The following PCDHGA3 variants were observed in gnomAD, a reference collection of about 807,000 sequenced individuals.
The protein encoded by PCDHGA3 is protocadherin gamma-A3.
PCDHGA3 carries 40 observed loss-of-function variants against 58.5 expected under a neutral mutation model. The observed-to-expected ratio is 0.68, with a 90% confidence interval of 0.53 to 0.89. PCDHGA3 has a LOEUF of 0.89. Among genes scored for constraint, PCDHGA3 ranks in the 40% least tolerant of loss-of-function variants. The pLI is 0.00. For missense variants in PCDHGA3, 1,223 were observed against 1,195.9 expected, an observed-to-expected ratio of 1.02 and a Z score of -0.33; for synonymous variants, 530 against 525.7, an observed-to-expected ratio of 1.01 and a Z score of -0.11.
chr5:141,370,142 C>T, intron 1 of PCDHGA3: 2 of 430,642 alleles, frequency 4.6e-6, no homozygotes, highest in Non-Finnish European at 8.1e-6. Flanking sequence ...GATTTAGTCA[C>T]CATTACTGCA....
intron 3 of PCDHGA3, among the ~76,000 whole-genome samples, chr5:141,508,646 G>A (rs1434098773): frequency 2.6e-5 from 4 of 152,014 alleles, no homozygotes; most frequent in African/African-American, 9.7e-5. Flanking sequence ...ACTCCGTCAG[G>A]CCCTTCCTGT....
intron 1 of PCDHGA3, among the ~76,000 whole-genome samples, chr5:141,425,078 G>A (rs1196415752): frequency 3.9e-5 from 6 of 152,112 alleles, no homozygotes; most frequent in Admixed American, 6.5e-5. Flanking sequence ...AATTTCAACT[G>A]TAGGAAAGGC....
At chr5:141,417,001 A>G (rs1590037654) in intron 1 of PCDHGA3, 1 of 150,924 alleles carries the variant, frequency 6.6e-6, no homozygotes, top group African/African-American at 2.5e-5. Context: ...TTCATCTCAA[A>G]TAATTCTATT....
intron 1 of PCDHGA3, among the ~76,000 whole-genome samples, chr5:141,387,169 T>C (rs1428422324): frequency 4.6e-5 from 7 of 152,140 alleles, no homozygotes; most frequent in East Asian, 1.9e-4. Flanking sequence ...TAAGTATAAA[T>C]TGCACCTTCT....
chr5:141,405,394 C>T, intron 1 of PCDHGA3: 4 of 1,593,132 alleles, frequency 2.5e-6, no homozygotes, highest in Non-Finnish European at 3.4e-6. Context: ...CATTTTTTTT[C>T]TTTCTTTCTT....
At chr5:141,480,584 G>A (rs1421730652) in intron 1 of PCDHGA3, among the ~76,000 whole-genome samples, 1 of 134,606 alleles carries the variant, frequency 7.4e-6, no homozygotes, top group Non-Finnish European at 1.6e-5. Context: ...AATAACTGCC[G>A]CTCTTCTGGT....
chr5:141,370,485 GA>G, intron 1 of PCDHGA3: 1 of 1,613,916 alleles, frequency 6.2e-7, no homozygotes, highest in South Asian at 1.1e-5. Flanking sequence ...GGCTCTCTCC[GA>G]ACCGATCCGC....
At chr5:141,392,247 T>C (rs1228504452) in intron 1 of PCDHGA3, 1 of 152,196 alleles carries the variant, frequency 6.6e-6, no homozygotes, top group Non-Finnish European at 1.5e-5. Context: ...TATTTGTTAG[T>C]ATATATTGGA....
chr5:141,413,446 G>A, intron 1 of PCDHGA3: 1 of 1,614,130 alleles, frequency 6.2e-7, no homozygotes. Context: ...CTTGATCACC[G>A]CGGGCAGGAT....
At chr5:141,452,951 G>A (rs1397204185) in intron 1 of PCDHGA3, among the ~76,000 whole-genome samples, 1 of 152,154 alleles carries the variant, frequency 6.6e-6, no homozygotes, top group Admixed American at 6.6e-5. Context: ...GCAATTGGTT[G>A]TCTTTAAACT....
intron 1 of PCDHGA3, among the ~76,000 whole-genome samples, chr5:141,461,980 C>G (rs759291534): frequency 9.2e-5 from 14 of 152,176 alleles, no homozygotes; most frequent in Non-Finnish European, 1.5e-4. Flanking sequence ...TATGCCACCA[C>G]GCCAGGCTAA....
At position 141,357,422 on chromosome 5, in the gene PCDHGA3, T is replaced by A. The variant is rs1277142896; in HGVS notation, c.2424+10965T>A. 1.9e-6 allele frequency: 3 copies of A among 1,614,254 alleles called. No individual in the cohort carries two copies. The African/African-American group carries it at 4.0e-5, about 22-fold the overall frequency. On this transcript the variant is annotated intron_variant, in intron 1 of 3. Coordinates refer to ENST00000253812, the MANE Select transcript of PCDHGA3 (RefSeq NM_018916.4). ...GCAGGTGTGCCTGCCTCGCACTTTG[T>A]GGGCGTGGACGGGGTTCGGGCTTTC...
chr5:141,352,453 TG>T, intron 1 of PCDHGA3: 7 of 1,614,032 alleles, frequency 4.3e-6, no homozygotes, highest in Non-Finnish European at 5.9e-6. Context: ...GCTCCAAGTC[TG>T]GGCCCGGGGT....
intron 1 of PCDHGA3, among the ~76,000 whole-genome samples, chr5:141,463,124 T>C (rs2099053100): frequency 6.6e-6 from 1 of 152,174 alleles, no homozygotes; most frequent in African/African-American, 2.4e-5. Context: ...AATAGCTCCC[T>C]GGCAGTTCTT....
intron 1 of PCDHGA3, among the ~76,000 whole-genome samples, chr5:141,438,458 G>A (rs1462204360): frequency 6.6e-6 from 1 of 151,538 alleles, no homozygotes. Context: ...CAATGCTTGA[G>A]TTCAATTATT....
intron 1 of PCDHGA3, chr5:141,422,726 T>C: frequency 5.6e-6 from 9 of 1,605,994 alleles, no homozygotes; most frequent in African/African-American, 4.0e-5. Flanking sequence ...GTCCAGGGGG[T>C]GCCTCTGTCC....
chr5:141,381,826 C>CTTTTTTTTTTTTTTT (rs770630741), intron 1 of PCDHGA3, among the ~76,000 whole-genome samples: 9 of 74,290 alleles, frequency 1.2e-4, no homozygotes, highest in Middle Eastern at 7.9e-3. Flanking sequence ...CTTTCTTCTT[C>CTTTTTTTTTTTTTTT]TTTTTTTTTT....
intron 1 of PCDHGA3, among the ~76,000 whole-genome samples, chr5:141,488,553 T>C (rs2099676887): frequency 6.6e-6 from 1 of 152,166 alleles, no homozygotes; most frequent in South Asian, 2.1e-4. Flanking sequence ...TCAGCTGACA[T>C]TGAGATTTCC....
At chr5:141,381,820 C>CTTTCTTTCTTTCTTTCT (rs1279410534) in intron 1 of PCDHGA3, among the ~76,000 whole-genome samples, 49 of 119,880 alleles carry the variant, frequency 4.1e-4, no homozygotes, top group African/African-American at 1.5e-3. Flanking sequence ...TTCTTTCTTT[C>CTTTCTTTCTTTCTTTCT]TTCTTCTTTT....
Sources: allele counts gnomAD v4.1 joint callset (sites outside exome capture counted in the v4.1 genomes callset), GRCh38; gene constraint gnomAD v4.1.1; transcripts MANE v1.5; gene names NCBI Gene and HGNC (gene_info 2026-07-23, HGNC 2026-07-21).